The following UNC13C variants were observed in gnomAD, a reference collection of about 807,000 sequenced individuals.
UNC13C encodes protein unc-13 homolog C.
UNC13C carries 174 observed loss-of-function variants against 245.4 expected under a neutral mutation model. That is an observed-to-expected ratio of 0.71 (90% CI 0.63 to 0.80). UNC13C has a LOEUF of 0.80. Among genes scored for constraint, UNC13C ranks in the 30% least tolerant of loss-of-function variants. The probability of loss-of-function intolerance (pLI) is 0.00; values close to 1 mark genes in which losing one functional copy is unlikely to be tolerated. For missense variants in UNC13C, 2,829 were observed against 2,602.9 expected (o/e 1.09, Z -1.89); for synonymous variants, 992 against 895.1 (o/e 1.11, Z -1.93).
chr15:54,048,220 A>G lies in UNC13C; in HGVS notation c.2983+32334A>G, dbSNP rs192491048. Among the ~76,000 whole-genome samples, 667 of 152,222 alleles carry G rather than the reference A, an allele frequency of 4.4e-3. 2 individuals carry two copies. Among genetic ancestry groups the G allele is most frequent in the Non-Finnish European group, 7.1e-3 (485 of 67,988 alleles). ...CTCTTACTGGATTGGCTGCTTGATG[A>G]TTGTTCTCCTTCTTTTGTAATTTCA... On this transcript the variant is annotated intron_variant, in intron 2 of 32. Coordinates refer to ENST00000260323, the MANE Select transcript of UNC13C (RefSeq NM_001080534.3).
intron 19 of UNC13C, among the ~76,000 whole-genome samples, chr15:54,458,680 CTTTTTTTT>C (rs79291504): frequency 1.5e-5 from 1 of 65,974 alleles, no homozygotes; most frequent in African/African-American, 6.1e-5. Flanking sequence ...CCTTTAAGGT[CTTTTTTTT>C]TTTTTTTTTT....
At chr15:54,336,692 T>C (rs2038585896) in intron 16 of UNC13C, among the ~76,000 whole-genome samples, 2 of 152,142 alleles carry the variant, frequency 1.3e-5, no homozygotes, top group South Asian at 4.1e-4. Flanking sequence ...TTTTACATAT[T>C]TATGTTTAAT....
At chr15:54,194,725 G>A (rs1316500837) in intron 4 of UNC13C, among the ~76,000 whole-genome samples, 1 of 152,120 alleles carries the variant, frequency 6.6e-6, no homozygotes, top group Non-Finnish European at 1.5e-5. Flanking sequence ...GATACCACTA[G>A]GAGTATAAGA....
At chr15:53,913,507 G>GC in the UNC13C span, 1 of 152,364 alleles carries the variant, frequency 6.6e-6, no homozygotes, top group African/African-American at 2.4e-5. Context: ...TGTATATACT[G>GC]CCCTTCAGGC....
chr15:54,389,248 G>T (rs776929963), intron 17 of UNC13C, among the ~76,000 whole-genome samples: 43 of 152,202 alleles, frequency 2.8e-4, no homozygotes, highest in Non-Finnish European at 4.9e-4. Flanking sequence ...ATCCATTTAA[G>T]AAACTAATGC....
the UNC13C span, among the ~76,000 whole-genome samples, chr15:53,840,550 G>A: frequency 2.0e-5 from 3 of 152,166 alleles, no homozygotes; most frequent in Admixed American, 2.0e-4. Flanking sequence ...AAAGTATTAA[G>A]CACCTGAGGT....
intron 2 of UNC13C, among the ~76,000 whole-genome samples, chr15:54,038,124 A>ATATTT: frequency 4.4e-5 from 2 of 45,040 alleles, no homozygotes; most frequent in African/African-American, 2.1e-4. Flanking sequence ...ATATATATAT[A>ATATTT]TTTTTTTTTT....
intron 2 of UNC13C, among the ~76,000 whole-genome samples, chr15:54,068,674 T>A (rs1898181144): frequency 6.6e-6 from 1 of 152,204 alleles, no homozygotes; most frequent in Non-Finnish European, 1.5e-5. Flanking sequence ...GTTCTTCTAA[T>A]TATCACAGAA....
At chr15:54,522,196 C>T (rs1261799761) in intron 24 of UNC13C, among the ~76,000 whole-genome samples, 23 of 151,894 alleles carry the variant, frequency 1.5e-4, no homozygotes, top group Non-Finnish European at 2.8e-4. Context: ...TCTGGCCAGG[C>T]GCGGTGGCTC....
At chr15:54,352,047 T>C (rs1034584301) in intron 17 of UNC13C, among the ~76,000 whole-genome samples, 1 of 151,768 alleles carries the variant, frequency 6.6e-6, no homozygotes, top group Non-Finnish European at 1.5e-5. Context: ...GAATTAAAGT[T>C]AAAATATCAT....
intron 30 of UNC13C, among the ~76,000 whole-genome samples, chr15:54,619,565 C>A (rs1720638057): frequency 6.6e-6 from 1 of 152,176 alleles, no homozygotes; most frequent in Non-Finnish European, 1.5e-5. Flanking sequence ...TCACTAATGA[C>A]ATGTATCTGC....
At chr15:54,213,607 G>T (rs911848623) in intron 4 of UNC13C, among the ~76,000 whole-genome samples, 1 of 152,018 alleles carries the variant, frequency 6.6e-6, no homozygotes, top group Admixed American at 6.6e-5. Context: ...ATGGGTTGCA[G>T]GCAAATTATT....
chr15:54,415,458 C>T (rs2040499446), intron 19 of UNC13C, among the ~76,000 whole-genome samples: 1 of 152,108 alleles, frequency 6.6e-6, no homozygotes, highest in Non-Finnish European at 1.5e-5. Flanking sequence ...CAAAATCCTA[C>T]CAAGTTTGCT....
rs529855803 is a variant in UNC13C, at chr15:54,107,178, TA to T, written c.2984-35838del. Among the ~76,000 whole-genome samples, 151 of 152,328 alleles carry T rather than the reference TA, an allele frequency of 9.9e-4. 1 individual carries two copies. Among genetic ancestry groups the T allele is most frequent in the Non-Finnish European group, 1.6e-3 (112 of 68,026 alleles). On this transcript the variant is annotated intron_variant, in intron 2 of 32. Coordinates refer to ENST00000260323, the MANE Select transcript of UNC13C (RefSeq NM_001080534.3). ...TGACTGTTTTATTTATTTCAAATCT[TA>T]ATTCCATATTGCAATTATGCCTGAG...
chr15:54,493,207 T>G (rs1048539590), intron 19 of UNC13C, among the ~76,000 whole-genome samples: 1 of 152,158 alleles, frequency 6.6e-6, no homozygotes, highest in African/African-American at 2.4e-5. Flanking sequence ...AAGAAAGACG[T>G]TAGGGGAGAG....
At chr15:54,607,772 T>C (rs1423385177) in intron 30 of UNC13C, among the ~76,000 whole-genome samples, 1 of 151,974 alleles carries the variant, frequency 6.6e-6, no homozygotes, top group East Asian at 1.9e-4. Flanking sequence ...CTACACACTT[T>C]TAAACAAGCA....
chr15:54,627,522 T>G lies in UNC13C; in HGVS notation c.*409T>G, dbSNP rs1018499326. ...TTATTTACTTACCTCATTATAGATGTCTTACAAATACCCTTTTCTACCATA... is the reference window on the plus strand; with the variant it reads ...TTATTTACTTACCTCATTATAGATGGCTTACAAATACCCTTTTCTACCATA... On this transcript the variant is annotated 3_prime_UTR_variant, in exon 33 of 33. Coordinates refer to ENST00000260323, the MANE Select transcript of UNC13C (RefSeq NM_001080534.3). 6.4e-6 allele frequency: 1 copy of G among 156,078 alleles called. No individual in the cohort carries two copies. Among genetic ancestry groups the G allele is most frequent in the Non-Finnish European group, 1.4e-5 (1 of 70,200 alleles). 9.7% of individuals were successfully genotyped at this position (156,078 alleles called of 1,614,324 possible). A position where few individuals can be genotyped will look rare whatever the true frequency, so the allele number is the denominator to read the frequency against.
chr15:54,539,788 A>G (rs902446154), intron 26 of UNC13C, among the ~76,000 whole-genome samples: 2 of 152,076 alleles, frequency 1.3e-5, no homozygotes, highest in African/African-American at 4.8e-5. Context: ...AGTGACTTTG[A>G]ATCCATTTCA....
At chr15:54,071,566 G>C (rs747869643) in intron 2 of UNC13C, among the ~76,000 whole-genome samples, 3 of 152,076 alleles carry the variant, frequency 2.0e-5, no homozygotes, top group Non-Finnish European at 2.9e-5. Flanking sequence ...CTCCAATCCA[G>C]TGTAGGCAAA....
Sources: gnomAD v4.1 joint callset for allele counts (sites outside exome capture counted in the v4.1 genomes callset) on GRCh38, gnomAD v4.1.1 for gene constraint, MANE v1.5 for transcripts, NCBI Gene and HGNC (gene_info 2026-07-23, HGNC 2026-07-21) for gene names.